Variants in LRRTM4 observed in about 807,000 individuals in gnomAD.
LRRTM4 encodes the protein leucine-rich repeat transmembrane neuronal protein 4.
LRRTM4 carries 25 observed loss-of-function variants against 47.6 expected under a neutral mutation model. That is an observed-to-expected ratio of 0.53 (90% CI 0.38 to 0.73). The LOEUF (loss-of-function observed/expected upper bound fraction) is 0.73, where lower values mean the gene tolerates loss of function less well. Ranked by LOEUF, LRRTM4 falls within the 30% of genes least tolerant of loss-of-function variation. The pLI is 0.00. For missense variants in LRRTM4, 638 were observed against 713.4 expected, an observed-to-expected ratio of 0.89 and a Z score of 1.20; for synonymous variants, 311 against 269.5, an observed-to-expected ratio of 1.15 and a Z score of -1.51.
At chr2:76,963,432 G>GAA in intron 3 of LRRTM4, among the ~76,000 whole-genome samples, 1 of 150,942 alleles carries the variant, frequency 6.6e-6, no homozygotes, top group South Asian at 2.1e-4. Flanking sequence ...TTTCTCATCA[G>GAA]AAAATGGCTA....
intron 3 of LRRTM4, among the ~76,000 whole-genome samples, chr2:77,445,983 G>A (rs1676035072): frequency 6.6e-6 from 1 of 151,992 alleles, no homozygotes; most frequent in Admixed American, 6.6e-5. Context: ...TCCTAAGTGA[G>A]ATGTAATCAT....
chr2:77,258,006 A>G (rs13410132), intron 3 of LRRTM4, among the ~76,000 whole-genome samples: 18,698 of 151,780 alleles, frequency 0.12, 3,867 homozygotes, highest in African/African-American at 0.42. Context: ...TGAGGCAGAA[A>G]AATTGCTTGA....
intron 3 of LRRTM4, among the ~76,000 whole-genome samples, chr2:76,906,265 G>C (rs1199780679): frequency 1.3e-5 from 2 of 152,044 alleles, no homozygotes; most frequent in East Asian, 3.9e-4. Flanking sequence ...AAGTGAAGGA[G>C]AAATAAAATA....
At chr2:77,115,983 G>T (rs1271926799) in intron 3 of LRRTM4, among the ~76,000 whole-genome samples, 1 of 152,050 alleles carries the variant, frequency 6.6e-6, no homozygotes, top group Non-Finnish European at 1.5e-5. Context: ...TTGTCTGCTT[G>T]GGGAGTGTTC....
At chr2:76,820,636 G>A (rs890315672) in intron 3 of LRRTM4, among the ~76,000 whole-genome samples, 1 of 151,582 alleles carries the variant, frequency 6.6e-6, no homozygotes, top group Admixed American at 6.6e-5. Flanking sequence ...TTGTTTTAGT[G>A]GGTTTTGCCT....
At chr2:76,920,899 C>A (rs1558739385) in intron 3 of LRRTM4, among the ~76,000 whole-genome samples, 2 of 151,994 alleles carry the variant, frequency 1.3e-5, no homozygotes, top group African/African-American at 4.8e-5. Context: ...AACACACTTA[C>A]AAAATTTAGA....
intron 3 of LRRTM4, among the ~76,000 whole-genome samples, chr2:76,890,542 G>A (rs1240850451): frequency 1.3e-5 from 2 of 151,810 alleles, no homozygotes; most frequent in African/African-American, 4.8e-5. Context: ...TAATATGTTT[G>A]TGCACATTGA....
At chr2:76,778,798 G>A (rs1332121658) in intron 3 of LRRTM4, among the ~76,000 whole-genome samples, 5 of 150,526 alleles carry the variant, frequency 3.3e-5, no homozygotes, top group Non-Finnish European at 5.9e-5. Flanking sequence ...CTTGCCTTCT[G>A]CTAGCTTTTG....
chr2:76,794,950 T>C (rs1675190210), intron 3 of LRRTM4, among the ~76,000 whole-genome samples: 1 of 152,218 alleles, frequency 6.6e-6, no homozygotes, highest in South Asian at 2.1e-4. Flanking sequence ...TAGACACTGA[T>C]AGAAGAATAT....
chr2:76,928,519 T>C (rs1383655849), intron 3 of LRRTM4, among the ~76,000 whole-genome samples: 2 of 152,104 alleles, frequency 1.3e-5, no homozygotes, highest in Non-Finnish European at 2.9e-5. Flanking sequence ...TGGTGAAAGA[T>C]CAAAGCCTTG....
intron 3 of LRRTM4, among the ~76,000 whole-genome samples, chr2:77,137,677 G>A (rs1671988205): frequency 6.6e-6 from 1 of 152,046 alleles, no homozygotes; most frequent in South Asian, 2.1e-4. Context: ...GACACAGACT[G>A]GCAAATTGGA....
chr2:77,289,723 T>G (rs977777309), intron 3 of LRRTM4, among the ~76,000 whole-genome samples: 3 of 152,106 alleles, frequency 2.0e-5, no homozygotes, highest in African/African-American at 7.2e-5. Context: ...CAAGATTACA[T>G]GATAAGATTT....
chr2:76,796,793 A>G (rs1178955377), intron 3 of LRRTM4, among the ~76,000 whole-genome samples: 7 of 151,972 alleles, frequency 4.6e-5, no homozygotes, highest in Admixed American at 2.6e-4. Flanking sequence ...CACCATCAAC[A>G]GAACGAATGA....
chr2:76,885,806 G>A (rs1010579483), intron 3 of LRRTM4, among the ~76,000 whole-genome samples: 1 of 152,018 alleles, frequency 6.6e-6, no homozygotes, highest in African/African-American at 2.4e-5. Flanking sequence ...ATTGTCACCA[G>A]CCTGTGGGAA....
intron 3 of LRRTM4, among the ~76,000 whole-genome samples, chr2:76,787,999 A>T (rs1027215755): frequency 6.6e-6 from 1 of 152,138 alleles, no homozygotes; most frequent in African/African-American, 2.4e-5. Flanking sequence ...TTATTTAACA[A>T]AGTTAATATA....
At chr2:77,219,995 C>T (rs2103944926) in intron 3 of LRRTM4, among the ~76,000 whole-genome samples, 1 of 152,278 alleles carries the variant, frequency 6.6e-6, no homozygotes, top group African/African-American at 2.4e-5. Context: ...CCGGATACTC[C>T]TCTGAGACAA....
intron 3 of LRRTM4, among the ~76,000 whole-genome samples, chr2:76,983,840 A>G (rs1304408461): frequency 6.6e-6 from 1 of 152,088 alleles, no homozygotes; most frequent in Non-Finnish European, 1.5e-5. Context: ...TGCCTTCACA[A>G]TGACAAAGTT....
chr2:77,030,385 A>T (rs1243316471), intron 3 of LRRTM4, among the ~76,000 whole-genome samples: 2 of 152,190 alleles, frequency 1.3e-5, no homozygotes, highest in African/African-American at 4.8e-5. Context: ...ATGAGCTGAG[A>T]TCATGCCACT....
chr2:77,041,074 C>T (rs974053646), intron 3 of LRRTM4, among the ~76,000 whole-genome samples: 5 of 151,416 alleles, frequency 3.3e-5, no homozygotes, highest in Admixed American at 6.6e-5. Context: ...CTCCCCACAC[C>T]CTTCCTCCTT....
Sources: gnomAD v4.1 joint callset for allele counts (sites outside exome capture counted in the v4.1 genomes callset) on GRCh38, gnomAD v4.1.1 for gene constraint, MANE v1.5 for transcripts, NCBI Gene and HGNC (gene_info 2026-07-23, HGNC 2026-07-21) for gene names.